FRS2: variants seen among roughly 807,000 people sequenced by gnomAD.
FRS2 encodes the protein fibroblast growth factor receptor substrate 2.
In FRS2, 8 loss-of-function variants were observed where a neutral mutation model predicts 43.9. The ratio of observed to expected loss-of-function variants is 0.18; its 90% confidence interval spans 0.11 to 0.33. The LOEUF (loss-of-function observed/expected upper bound fraction) is 0.33, where lower values mean the gene tolerates loss of function less well. FRS2 is among the 10% of genes least tolerant of loss of function. The pLI is 1.00. For missense variants in FRS2, 534 were observed against 627.6 expected (o/e 0.85, Z 1.59); for synonymous variants, 219 against 220.3 (o/e 0.99, Z 0.05).
chr12:69,524,935 C>T (rs2135631654), intron 1 of FRS2, among the ~76,000 whole-genome samples: 1 of 152,278 alleles, frequency 6.6e-6, no homozygotes, highest in East Asian at 1.9e-4. Context: ...AGGAACTAGT[C>T]CTGGGTGCCT....
At chr12:69,521,941 T>C (rs1049962440) in intron 1 of FRS2, among the ~76,000 whole-genome samples, 1 of 152,118 alleles carries the variant, frequency 6.6e-6, no homozygotes, top group Non-Finnish European at 1.5e-5. Flanking sequence ...TGTGAAGAGG[T>C]ATTGAATTTT....
intron 3 of FRS2, among the ~76,000 whole-genome samples, chr12:69,535,216 T>G (rs1877158238): frequency 6.6e-6 from 1 of 152,200 alleles, no homozygotes; most frequent in African/African-American, 2.4e-5. Flanking sequence ...GTGAGAATGG[T>G]CAAACTAACA....
At chr12:69,567,190 C>T (rs182292911) in intron 4 of FRS2, among the ~76,000 whole-genome samples, 20 of 152,144 alleles carry the variant, frequency 1.3e-4, no homozygotes, top group African/African-American at 4.3e-4. Context: ...CTCTCTCTCC[C>T]CCTTGATACT....
intron 1 of FRS2, among the ~76,000 whole-genome samples, chr12:69,494,858 C>T (rs1284739505): frequency 6.6e-6 from 1 of 152,128 alleles, no homozygotes; most frequent in East Asian, 1.9e-4. Context: ...GCTGCAACCT[C>T]CACCTCCTGG....
At chr12:69,544,723 A>G (rs1433939717) in intron 3 of FRS2, among the ~76,000 whole-genome samples, 1 of 152,022 alleles carries the variant, frequency 6.6e-6, no homozygotes, top group Non-Finnish European at 1.5e-5. Flanking sequence ...AATTAATAAT[A>G]AATAAATAAA....
At chr12:69,538,133 C>T (rs1445529296) in intron 3 of FRS2, 3 of 147,198 alleles carry the variant, frequency 2.0e-5, no homozygotes, top group Admixed American at 6.9e-5. Context: ...AGCCACCTTT[C>T]GTAGCTTTTT....
intron 3 of FRS2, among the ~76,000 whole-genome samples, chr12:69,556,007 G>T (rs1879305118): frequency 1.4e-5 from 1 of 71,860 alleles, no homozygotes; most frequent in African/African-American, 8.0e-5. Flanking sequence ...TGTGTGTGTG[G>T]CGGGGGGGGG....
intron 3 of FRS2, among the ~76,000 whole-genome samples, chr12:69,542,682 A>T (rs1045046537): frequency 8.5e-5 from 13 of 152,340 alleles, no homozygotes; most frequent in Admixed American, 5.2e-4. Context: ...AACTCAGTAG[A>T]CCAAAGATGT....
intron 4 of FRS2, among the ~76,000 whole-genome samples, chr12:69,568,189 CT>C (rs1318842059): frequency 6.6e-6 from 1 of 152,134 alleles, no homozygotes; most frequent in Non-Finnish European, 1.5e-5. Context: ...AATAGACATG[CT>C]ATATCAGTTT....
In FRS2 at chr12:69,555,049, C is replaced by T. The variant is rs566806298; in HGVS notation, c.-121-7131C>T. Among the ~76,000 whole-genome samples, 27 of 150,690 alleles carry T rather than the reference C, an allele frequency of 1.8e-4. 1 individual carries two copies. The highest frequency in any genetic ancestry group is 1.3e-3 in the Admixed American group (19 of 15,130). On this transcript the variant is annotated intron_variant, in intron 3 of 8. Transcript: ENST00000549921. ...AATAATATTTTTTTTTACCTTTTTT[C>T]GTTTTTCTTTTTTTTGAGACGGAGT...
At chr12:69,497,875 G>T (rs1036159286) in intron 1 of FRS2, among the ~76,000 whole-genome samples, 2 of 152,226 alleles carry the variant, frequency 1.3e-5, no homozygotes, top group Non-Finnish European at 2.9e-5. Flanking sequence ...GTTTTGAGCA[G>T]AGTAGTAGTC....
In FRS2 at chr12:69,571,262, G is replaced by T. The variant is rs1489058127; in HGVS notation, c.254-14G>T. ...GTATGTTAACTATTTTTCCCTTTTG[G>T]TTTATATTTGTAGGAATCTTTGCCT... On this transcript the variant is annotated splice_polypyrimidine_tract_variant and intron_variant, in intron 6 of 8. Coordinates refer to ENST00000549921, the MANE Select transcript of FRS2 (RefSeq NM_001278356.2). The T allele has an allele frequency of 6.4e-7, 1 of 1,563,732 alleles. No individual in the cohort carries two copies. The highest frequency in any genetic ancestry group is 2.0e-5 in the Admixed American group (1 of 49,106).
At chr12:69,480,770 TA>T (rs1386545239) in intron 1 of FRS2, among the ~76,000 whole-genome samples, 1 of 152,238 alleles carries the variant, frequency 6.6e-6, no homozygotes, top group African/African-American at 2.4e-5. Context: ...TTTTATTTCT[TA>T]AAAATCTATT....
intron 1 of FRS2, among the ~76,000 whole-genome samples, chr12:69,495,907 G>A (rs1320756808): frequency 6.6e-6 from 1 of 152,058 alleles, no homozygotes; most frequent in Non-Finnish European, 1.5e-5. Context: ...CTCCAGTCTG[G>A]ATGACAGCGA....
rs150386290 is a variant in FRS2, at chr12:69,536,543, A to G, written c.-122+4487A>G. Among the ~76,000 whole-genome samples the G allele has an allele frequency of 1.4e-4, 21 of 148,686 alleles. No individual in the cohort carries two copies. In the East Asian group the frequency reaches 4.2e-3, roughly 29 times the overall value. Reference sequence around the variant, plus strand: ...TTTTTTAACTGGAGAACTTTAGTCAATTGTGTTACCGATAGATTTAGTTTT... The same window carrying G: ...TTTTTTAACTGGAGAACTTTAGTCAGTTGTGTTACCGATAGATTTAGTTTT... On this transcript the variant is annotated intron_variant, in intron 3 of 8. Transcript: ENST00000549921.
intron 3 of FRS2, among the ~76,000 whole-genome samples, chr12:69,541,296 C>G (rs1186758852): frequency 1.3e-5 from 2 of 152,134 alleles, no homozygotes; most frequent in East Asian, 3.9e-4. Context: ...TGAAGGCCTA[C>G]TCACACAAAT....
At chr12:69,533,990 C>T (rs1877047368) in intron 3 of FRS2, among the ~76,000 whole-genome samples, 1 of 152,142 alleles carries the variant, frequency 6.6e-6, no homozygotes, top group Non-Finnish European at 1.5e-5. Context: ...ACTTGGCTTA[C>T]ACCTAGCTTA....
At chr12:69,547,892 G>C (rs1053470726) in intron 3 of FRS2, among the ~76,000 whole-genome samples, 2 of 134,064 alleles carry the variant, frequency 1.5e-5, no homozygotes, top group Non-Finnish European at 3.1e-5. Flanking sequence ...CCAGGCTAGA[G>C]TACAATGGCA....
At chr12:69,526,199 G>A (rs1876210855) in intron 1 of FRS2, among the ~76,000 whole-genome samples, 1 of 152,146 alleles carries the variant, frequency 6.6e-6, no homozygotes, top group African/African-American at 2.4e-5. Context: ...GTTTCTCTGT[G>A]TAAATCTAAG....
Sources: allele counts gnomAD v4.1 joint callset (sites outside exome capture counted in the v4.1 genomes callset), GRCh38; gene constraint gnomAD v4.1.1; transcripts MANE v1.5; gene names NCBI Gene and HGNC (gene_info 2026-07-23, HGNC 2026-07-21).